PPFIA2: variants seen among roughly 807,000 people sequenced by gnomAD.
The protein encoded by PPFIA2 is liprin-alpha-2.
PPFIA2 carries 46 observed loss-of-function variants against 175.5 expected under a neutral mutation model. The ratio of observed to expected loss-of-function variants is 0.26; its 90% CI spans 0.21 to 0.34. The LOEUF (loss-of-function observed/expected upper bound fraction) is 0.34, where lower values mean the gene tolerates loss of function less well. Ranked by LOEUF, PPFIA2 falls within the 10% of genes least tolerant of loss-of-function variation. The pLI is 1.00. For missense variants in PPFIA2, 1,179 were observed against 1,506.1 expected, an observed-to-expected ratio of 0.78 and a Z score of 3.60; for synonymous variants, 568 against 511.4, an observed-to-expected ratio of 1.11 and a Z score of -1.49.
intron 4 of PPFIA2, chr12:81,471,190 G>A (rs2056663533): frequency 1.3e-5 from 2 of 151,232 alleles, no homozygotes; most frequent in South Asian, 4.2e-4. Flanking sequence ...AGGCTGGAAT[G>A]CAGTGGTATG....
At chr12:81,642,976 A>ATG (rs1329709867) in intron 4 of PPFIA2, among the ~76,000 whole-genome samples, 1 of 21,616 alleles carries the variant, frequency 4.6e-5, no homozygotes, top group East Asian at 0.1. Flanking sequence ...TATATAAATT[A>ATG]TATATCTCTT....
intron 4 of PPFIA2, among the ~76,000 whole-genome samples, chr12:81,598,522 G>A (rs2059484811): frequency 6.6e-6 from 1 of 151,942 alleles, no homozygotes; most frequent in Admixed American, 6.6e-5. Context: ...TTCATATACT[G>A]TTTAAAGCTC....
chr12:81,435,209 A>T (rs549342697), intron 7 of PPFIA2, among the ~76,000 whole-genome samples: 1 of 152,072 alleles, frequency 6.6e-6, no homozygotes, highest in East Asian at 1.9e-4. Flanking sequence ...TAGAAAATGT[A>T]CTCCTTGTAG....
intron 3 of PPFIA2, among the ~76,000 whole-genome samples, chr12:81,723,615 C>T (rs1378721573): frequency 1.3e-5 from 2 of 150,966 alleles, no homozygotes; most frequent in Non-Finnish European, 3.0e-5. Flanking sequence ...ACACTTCTTT[C>T]ATAAAAAACG....
intron 14 of PPFIA2, among the ~76,000 whole-genome samples, chr12:81,363,763 C>T (rs1377904944): frequency 6.6e-6 from 1 of 151,732 alleles, no homozygotes; most frequent in Non-Finnish European, 1.5e-5. Flanking sequence ...TTACCAGCTT[C>T]AGTCTCTTTC....
At chr12:81,669,619 G>C (rs1330087566) in intron 4 of PPFIA2, among the ~76,000 whole-genome samples, 1 of 151,890 alleles carries the variant, frequency 6.6e-6, no homozygotes. Context: ...AAGAAAGTGA[G>C]GCAGTAAGCC....
At chr12:81,570,969 T>C (rs1270102244) in intron 4 of PPFIA2, among the ~76,000 whole-genome samples, 2 of 151,950 alleles carry the variant, frequency 1.3e-5, no homozygotes, top group African/African-American at 4.8e-5. Context: ...TATATGGTCA[T>C]ATTTAATTGC....
At chr12:81,370,686 G>A (rs907577231) in intron 11 of PPFIA2, among the ~76,000 whole-genome samples, 1 of 151,830 alleles carries the variant, frequency 6.6e-6, no homozygotes, top group African/African-American at 2.4e-5. Flanking sequence ...TACATGTCTT[G>A]GAGGTGACCG....
chr12:81,495,422 A>G (rs891777390), intron 4 of PPFIA2, among the ~76,000 whole-genome samples: 2 of 152,156 alleles, frequency 1.3e-5, no homozygotes, highest in South Asian at 4.1e-4. Flanking sequence ...TCCTTTTTTT[A>G]TAACACAGAA....
chr12:81,325,815 G>T lies in PPFIA2; in HGVS notation c.2604C>A (p.Leu868=), dbSNP rs368047640. ...AAQESLGLGK[L]GTQAEKDRRL... ...TTCGATCCTTCTCAGCTTGAGTTCC[G>T]AGTTTGCCTAACCCCAGGGACTCCT... Residue 868 remains leucine (L), a synonymous_variant, in exon 22 of 33, where the codon CTC becomes CTA. Coordinates refer to ENST00000549396, the MANE Select transcript of PPFIA2 (RefSeq NM_003625.5). 3.1e-6 allele frequency: 5 copies of T among 1,612,620 alleles called. No homozygotes were observed.
intron 4 of PPFIA2, among the ~76,000 whole-genome samples, chr12:81,624,716 G>A (rs780698487): frequency 2.7e-4 from 41 of 150,202 alleles, no homozygotes; most frequent in Admixed American, 5.4e-4. Context: ...TCTAAGTGAA[G>A]TAACACAAGA....
At chr12:81,735,575 G>GT (rs958307176) in intron 3 of PPFIA2, among the ~76,000 whole-genome samples, 1 of 151,482 alleles carries the variant, frequency 6.6e-6, no homozygotes, top group Admixed American at 6.6e-5. Flanking sequence ...TGAAGTATAA[G>GT]TTTTTTTTAT....
intron 21 of PPFIA2, among the ~76,000 whole-genome samples, chr12:81,329,524 A>T (rs2055644918): frequency 6.6e-6 from 1 of 152,076 alleles, no homozygotes. Context: ...TGAACCACCA[A>T]AAAATCAGTG....
At chr12:81,715,657 A>G (rs1237936859) in intron 3 of PPFIA2, among the ~76,000 whole-genome samples, 2 of 151,764 alleles carry the variant, frequency 1.3e-5, no homozygotes, top group African/African-American at 2.4e-5. Context: ...AATGAGAAAT[A>G]TATTTGTAAT....
At chr12:81,419,768 A>G (rs891059849) in intron 7 of PPFIA2, among the ~76,000 whole-genome samples, 4 of 152,154 alleles carry the variant, frequency 2.6e-5, no homozygotes, top group South Asian at 2.1e-4. Flanking sequence ...AATTAGCTTT[A>G]AAAATGAAGT....
intron 4 of PPFIA2, among the ~76,000 whole-genome samples, chr12:81,531,810 CAA>C (rs748452124): frequency 2.0e-5 from 3 of 151,412 alleles, no homozygotes; most frequent in Non-Finnish European, 4.4e-5. Context: ...GGACTGGAGG[CAA>C]AGAGATGAAC....
At chr12:81,615,996 A>G (rs10778818) in intron 4 of PPFIA2, among the ~76,000 whole-genome samples, 79,852 of 151,922 alleles carry the variant, frequency 0.53, 22,162 homozygotes, top group East Asian at 0.61. Flanking sequence ...TACTATCTTT[A>G]ATAACAGATG....
chr12:81,441,750 G>T (rs1355062124), intron 6 of PPFIA2, among the ~76,000 whole-genome samples: 3 of 151,996 alleles, frequency 2.0e-5, no homozygotes, highest in African/African-American at 7.2e-5. Context: ...TGTTTAACAG[G>T]GATTCCCATA....
rs151313798 is a variant in PPFIA2, at chr12:81,461,761, T to G, written c.304-3895A>C. Among the ~76,000 whole-genome samples, 15 of 152,202 alleles carry G rather than the reference T, an allele frequency of 9.9e-5. 1 individual carries two copies. In the East Asian group the frequency reaches 2.9e-3, roughly 29 times the overall value. On this transcript the variant is annotated intron_variant, in intron 4 of 32. Transcript: ENST00000549396. Reference sequence around the variant, plus strand: ...CCTTTTCATTTTTTTCAACTTTTTTTCTTGTTTCTTTCACAAACTACCTAC... The same window carrying G: ...CCTTTTCATTTTTTTCAACTTTTTTGCTTGTTTCTTTCACAAACTACCTAC...
Sources: allele counts gnomAD v4.1 joint callset (sites outside exome capture counted in the v4.1 genomes callset), GRCh38; gene constraint gnomAD v4.1.1; transcripts MANE v1.5; gene names NCBI Gene and HGNC (gene_info 2026-07-23, HGNC 2026-07-21).